The following SV2C variants were observed in gnomAD, a reference collection of about 807,000 sequenced individuals.
SV2C encodes the protein solute carrier family 22 member B3.
SV2C carries 49 observed loss-of-function variants against 79.7 expected under a neutral mutation model. That is an observed-to-expected ratio of 0.61 (90% CI 0.49 to 0.78). The LOEUF (loss-of-function observed/expected upper bound fraction) is 0.78. Ranked by LOEUF, SV2C falls within the 30% of genes least tolerant of loss-of-function variation. SV2C has a pLI of 0.00. For missense variants in SV2C, 833 were observed against 912.9 expected (o/e 0.91, Z 1.13); for synonymous variants, 334 against 333.2 (o/e 1.00, Z -0.03).
At chr5:75,853,795 T>C in the SV2C span, among the ~76,000 whole-genome samples, 2 of 151,894 alleles carry the variant, frequency 1.3e-5, no homozygotes, top group South Asian at 4.1e-4. Flanking sequence ...GTTCTTTTCC[T>C]AAATTTTGTA....
At chr5:76,244,068 C>G (rs76582223) in intron 4 of SV2C, among the ~76,000 whole-genome samples, 7,310 of 152,318 alleles carry the variant, frequency 0.048, 268 homozygotes, top group Middle Eastern at 0.095. Context: ...CATTCTCAGT[C>G]CAAGCCCCTA....
At chr5:76,289,164 G>T (rs562008152) in intron 6 of SV2C, among the ~76,000 whole-genome samples, 2 of 152,214 alleles carry the variant, frequency 1.3e-5, no homozygotes, top group African/African-American at 4.8e-5. Context: ...TGGAATTGCA[G>T]ATGTGAGTCA....
At chr5:76,349,626 C>T (rs1160728779) in intron 12 of SV2C, among the ~76,000 whole-genome samples, 3 of 151,756 alleles carry the variant, frequency 2.0e-5, no homozygotes, top group Non-Finnish European at 2.9e-5. Context: ...AAAGTTTTGG[C>T]TCTCCACAAG....
chr5:76,164,547 A>T (rs1490465027), intron 2 of SV2C, among the ~76,000 whole-genome samples: 1 of 152,180 alleles, frequency 6.6e-6, no homozygotes, highest in African/African-American at 2.4e-5. Flanking sequence ...CTGCCAGCTG[A>T]AGTTAAATCA....
At chr5:76,206,565 A>G (rs1324364510) in intron 3 of SV2C, among the ~76,000 whole-genome samples, 1 of 152,172 alleles carries the variant, frequency 6.6e-6, no homozygotes, top group African/African-American at 2.4e-5. Context: ...CTTTCTATTC[A>G]CTGGAGATCT....
chr5:76,100,893 A>G (rs1314404172), intron 1 of SV2C, among the ~76,000 whole-genome samples: 2 of 152,232 alleles, frequency 1.3e-5, no homozygotes, highest in African/African-American at 4.8e-5. Context: ...AGTAGATGAC[A>G]GTAGCATTTT....
the SV2C span, among the ~76,000 whole-genome samples, chr5:75,998,316 A>G: frequency 6.6e-6 from 1 of 150,574 alleles, no homozygotes; most frequent in African/African-American, 2.4e-5. Flanking sequence ...CATTGTGCAC[A>G]TGTACCCTAA....
the SV2C span, among the ~76,000 whole-genome samples, chr5:75,997,093 C>T: frequency 0.46 from 66,981 of 146,446 alleles, 15,874 homozygotes; most frequent in Middle Eastern, 0.62. Flanking sequence ...CCAGTTTTTG[C>T]CCATGCAGTA....
At chr5:76,180,066 C>T (rs1743672097) in intron 2 of SV2C, among the ~76,000 whole-genome samples, 1 of 152,194 alleles carries the variant, frequency 6.6e-6, no homozygotes, top group Non-Finnish European at 1.5e-5. Flanking sequence ...GTCCTGTTTT[C>T]CTGCCATACA....
At chr5:75,910,197 G>A in the SV2C span, 1 of 361,130 alleles carries the variant, frequency 2.8e-6, no homozygotes, top group Non-Finnish European at 5.4e-6. Context: ...AGCACTTTGG[G>A]TGGCTGAAGC....
the SV2C span, among the ~76,000 whole-genome samples, chr5:76,064,509 T>G: frequency 0.48 from 72,392 of 152,086 alleles, 17,548 homozygotes; most frequent in East Asian, 0.72. Flanking sequence ...TTTTGCATAT[T>G]GCACATCACT....
chr5:76,281,181 TA>T (rs879252453), intron 4 of SV2C: 4 of 534,860 alleles, frequency 7.5e-6, no homozygotes, highest in Admixed American at 2.0e-5. Flanking sequence ...TAGAAATCCT[TA>T]AAAAAAGTAA....
At chr5:76,187,247 G>A (rs761074518) in intron 2 of SV2C, among the ~76,000 whole-genome samples, 12 of 152,220 alleles carry the variant, frequency 7.9e-5, no homozygotes, top group Admixed American at 2.6e-4. Context: ...TTTGAGGAAC[G>A]ACATTAGAGA....
At chr5:76,325,331 T>A in intron 12 of SV2C, 33 bp from the exon 13 acceptor site, 1 of 1,606,786 alleles carries the variant, frequency 6.2e-7, no homozygotes, top group Non-Finnish European at 8.5e-7. Context: ...GGAGGCATTT[T>A]CTCAACCTTG....
intron 4 of SV2C, among the ~76,000 whole-genome samples, chr5:76,272,595 T>A (rs1207288772): frequency 6.6e-6 from 1 of 151,976 alleles, no homozygotes; most frequent in East Asian, 1.9e-4. Flanking sequence ...AACTGCAGTT[T>A]AGAAGGTGTT....
At chr5:76,171,608 TG>T (rs1184285564) in intron 2 of SV2C, among the ~76,000 whole-genome samples, 2,915 of 104,716 alleles carry the variant, frequency 0.028, 143 homozygotes, top group African/African-American at 0.069. Context: ...AGGAGAGAGG[TG>T]GGGGGGGGGT....
chr5:75,964,391 AT>A, the SV2C span, among the ~76,000 whole-genome samples: 6 of 152,230 alleles, frequency 3.9e-5, no homozygotes, highest in East Asian at 9.7e-4. Context: ...CTTTTACTTT[AT>A]TTGAAATAAA....
the SV2C span, among the ~76,000 whole-genome samples, chr5:75,859,058 T>A: frequency 6.6e-6 from 1 of 152,182 alleles, no homozygotes; most frequent in Non-Finnish European, 1.5e-5. Flanking sequence ...TCATTGATCT[T>A]TTGTATCATT....
intron 1 of SV2C, among the ~76,000 whole-genome samples, chr5:76,085,826 TACAC>T (rs34074817): frequency 2.4e-4 from 34 of 141,952 alleles, no homozygotes; most frequent in East Asian, 4.2e-4. Context: ...ACAAAGCCCC[TACAC>T]ACACACACAC....
Sources: allele counts gnomAD v4.1 joint callset (sites outside exome capture counted in the v4.1 genomes callset), GRCh38; gene constraint gnomAD v4.1.1; transcripts MANE v1.5; gene names NCBI Gene and HGNC (gene_info 2026-07-23, HGNC 2026-07-21).